PTPRD: variants seen among roughly 807,000 people sequenced by gnomAD.
PTPRD encodes receptor-type tyrosine-protein phosphatase delta.
Under a neutral mutation model 214.5 loss-of-function variants are expected in PTPRD, and 34 were observed. The ratio of observed to expected loss-of-function variants is 0.16; its 90% CI spans 0.12 to 0.21. The LOEUF is 0.21. PTPRD is among the 10% of genes least tolerant of loss of function. The pLI is 1.00. For missense variants in PTPRD, 2,545 were observed against 2,398.7 expected (o/e 1.06, Z -1.27); for synonymous variants, 1,128 against 845.7 (o/e 1.33, Z -5.79).
chr9:9,293,785 C>A (rs1952041404), intron 9 of PTPRD, among the ~76,000 whole-genome samples: 2 of 151,578 alleles, frequency 1.3e-5, no homozygotes, highest in South Asian at 4.1e-4. Context: ...CTTAACTAAG[C>A]AGTTATGTAC....
At chr9:9,854,834 A>C (rs937896954) in intron 5 of PTPRD, among the ~76,000 whole-genome samples, 1 of 152,142 alleles carries the variant, frequency 6.6e-6, no homozygotes, top group African/African-American at 2.4e-5. Flanking sequence ...ACCTTTTGCT[A>C]TAACTATGGA....
chr9:10,150,501 G>T (rs1349477635), intron 3 of PTPRD, among the ~76,000 whole-genome samples: 1 of 151,862 alleles, frequency 6.6e-6, no homozygotes, highest in African/African-American at 2.4e-5. Context: ...TCACATACCG[G>T]GGCCTTTCGT....
chr9:10,482,073 TA>T (rs199897352), intron 2 of PTPRD, among the ~76,000 whole-genome samples: 3 of 151,530 alleles, frequency 2.0e-5, no homozygotes, highest in Non-Finnish European at 4.4e-5. Context: ...GAAAATAAGA[TA>T]AAAAAAACAA....
chr9:9,664,822 T>C (rs955010776), intron 7 of PTPRD, among the ~76,000 whole-genome samples: 1 of 151,640 alleles, frequency 6.6e-6, no homozygotes, highest in East Asian at 1.9e-4. Flanking sequence ...AAAGCCTCTA[T>C]CCCAGAAAGC....
intron 14 of PTPRD, among the ~76,000 whole-genome samples, chr9:8,618,368 C>T (rs912642755): frequency 6.6e-6 from 1 of 152,046 alleles, no homozygotes; most frequent in Non-Finnish European, 1.5e-5. Flanking sequence ...CTCAGCAAGT[C>T]TATCAACTGG....
intron 35 of PTPRD, among the ~76,000 whole-genome samples, chr9:8,410,840 T>C (rs2093451578): frequency 6.6e-6 from 1 of 152,128 alleles, no homozygotes; most frequent in Non-Finnish European, 1.5e-5. Context: ...TAATAATATA[T>C]ATTATTAGAA....
intron 10 of PTPRD, among the ~76,000 whole-genome samples, chr9:9,051,185 C>A (rs2099684673): frequency 6.6e-6 from 1 of 151,932 alleles, no homozygotes; most frequent in African/African-American, 2.4e-5. Flanking sequence ...TTTAAAAAAT[C>A]ATGTACACCA....
intron 9 of PTPRD, among the ~76,000 whole-genome samples, chr9:9,375,443 A>G (rs1209271166): frequency 6.6e-6 from 1 of 152,044 alleles, no homozygotes; most frequent in African/African-American, 2.4e-5. Context: ...TAAAAATATA[A>G]AAATTAGCCA....
At chr9:9,393,109 C>G (rs1471989819) in intron 9 of PTPRD, among the ~76,000 whole-genome samples, 4 of 152,124 alleles carry the variant, frequency 2.6e-5, no homozygotes, top group Non-Finnish European at 5.9e-5. Context: ...TATTCTCACC[C>G]TTCTATGTGT....
chr9:9,346,160 C>T (rs1461437943), intron 9 of PTPRD, among the ~76,000 whole-genome samples: 1 of 152,086 alleles, frequency 6.6e-6, no homozygotes, highest in Non-Finnish European at 1.5e-5. Flanking sequence ...ATATATCTTC[C>T]TAGCCATATT....
At position 9,350,352 on chromosome 9, in the gene PTPRD, T is replaced by A. The variant is rs561286622; in HGVS notation, c.-203+47097A>T. On this transcript the variant is annotated intron_variant, in intron 9 of 45. Coordinates refer to ENST00000381196, the MANE Select transcript of PTPRD (RefSeq NM_002839.4). ...TATGGATTTCTGCATACAAATGTTA[T>A]TCCTGGCTTTATTTTTGGACAAATG... 2.6e-5 allele frequency among the ~76,000 whole-genome samples: 4 copies of A among 152,186 alleles called. No homozygotes were observed. In the South Asian group the frequency reaches 8.3e-4, roughly 32 times the overall value.
Position 9,509,255 on chromosome 9 carries a change from C to T in PTPRD, c.-237+65477G>A, listed in dbSNP as rs544314311. Among the ~76,000 whole-genome samples the T allele has an allele frequency of 8.0e-5, 12 of 150,906 alleles. No homozygotes were observed. The East Asian group carries it at 2.1e-3, about 27-fold the overall frequency. On this transcript the variant is annotated intron_variant, in intron 8 of 45. Transcript: ENST00000381196. ...GGGAAAAAAACCCATGTAATTTCTG[C>T]ACACTAAAGGTCATTTTTGGTAACG...
chr9:9,128,138 A>T (rs1294071137), intron 10 of PTPRD, among the ~76,000 whole-genome samples: 1 of 152,214 alleles, frequency 6.6e-6, no homozygotes, highest in Non-Finnish European at 1.5e-5. Flanking sequence ...AACAACATAG[A>T]TGCTGGATCA....
At chr9:10,344,766 G>T (rs1418666183) in intron 2 of PTPRD, among the ~76,000 whole-genome samples, 1 of 151,996 alleles carries the variant, frequency 6.6e-6, no homozygotes, top group East Asian at 1.9e-4. Context: ...GGATACCTAG[G>T]TATTTTATTC....
At chr9:10,289,955 A>G (rs749335850) in intron 3 of PTPRD, among the ~76,000 whole-genome samples, 1 of 152,168 alleles carries the variant, frequency 6.6e-6, no homozygotes, top group East Asian at 1.9e-4. Flanking sequence ...TTAAATTTTC[A>G]TATATTCATT....
chr9:10,060,869 T>TTTCCTTCCTTCC (rs761292264), intron 3 of PTPRD, among the ~76,000 whole-genome samples: 10 of 83,482 alleles, frequency 1.2e-4, no homozygotes, highest in East Asian at 6.9e-4. Flanking sequence ...TCCTTCCTTC[T>TTTCCTTCCTTCC]TTCCTTCCTT....
chr9:8,817,606 G>C (rs1477243048), intron 11 of PTPRD, among the ~76,000 whole-genome samples: 1 of 151,890 alleles, frequency 6.6e-6, no homozygotes, highest in Non-Finnish European at 1.5e-5. Context: ...CCTCCACCCT[G>C]GGTGACACAG....
intron 3 of PTPRD, among the ~76,000 whole-genome samples, chr9:10,313,309 A>G (rs1187192120): frequency 6.6e-6 from 1 of 151,696 alleles, no homozygotes; most frequent in Non-Finnish European, 1.5e-5. Flanking sequence ...GCTCATAATT[A>G]TATATTTGAA....
intron 2 of PTPRD, among the ~76,000 whole-genome samples, chr9:10,379,375 G>A (rs2097781011): frequency 6.6e-6 from 1 of 151,226 alleles, no homozygotes; most frequent in African/African-American, 2.4e-5. Context: ...TTGTCTGATT[G>A]CTCTAGCTGG....
Sources: allele counts gnomAD v4.1 joint callset (sites outside exome capture counted in the v4.1 genomes callset), GRCh38; gene constraint gnomAD v4.1.1; transcripts MANE v1.5; gene names NCBI Gene and HGNC (gene_info 2026-07-23, HGNC 2026-07-21).